The following NEK7 variants were observed in gnomAD, a reference collection of about 807,000 sequenced individuals.
NEK7 encodes the protein serine/threonine-protein kinase Nek7.
In NEK7, 18 loss-of-function variants were observed where a neutral mutation model predicts 44.6. The ratio of observed to expected loss-of-function variants is 0.40; its 90% confidence interval spans 0.28 to 0.60. The LOEUF is 0.60. Ranked by LOEUF, NEK7 falls within the 20% of genes least tolerant of loss-of-function variation. The probability of loss-of-function intolerance (pLI) is 0.38; values close to 1 mark genes in which losing one functional copy is unlikely to be tolerated. For synonymous variants in NEK7, 130 were observed against 121.1 expected (o/e 1.07, Z -0.48); for missense variants, 256 against 366.5 (o/e 0.70, Z 2.46).
chr1:198,212,954 C>G (rs1392304557), intron 1 of NEK7, among the ~76,000 whole-genome samples: 1 of 152,240 alleles, frequency 6.6e-6, no homozygotes, highest in Non-Finnish European at 1.5e-5. Flanking sequence ...TTGCCCAATA[C>G]CTTACTGTTA....
rs1655543240 is a variant in NEK7, at chr1:198,321,837, A to C, written c.*2315A>C. The C allele has an allele frequency of 6.6e-6, 1 of 152,102 alleles. No homozygotes were observed. The highest frequency in any genetic ancestry group is 2.1e-4 in the South Asian group (1 of 4,830). 9.4% of individuals were successfully genotyped at this position (152,102 alleles called of 1,614,324 possible). A position where few individuals can be genotyped will look rare whatever the true frequency, so the allele number is the denominator to read the frequency against. On this transcript the variant is annotated 3_prime_UTR_variant, in exon 10 of 10. Coordinates refer to ENST00000367385, the MANE Select transcript of NEK7 (RefSeq NM_133494.3). ...TGTTCTTTATATGTGTTCATAAGTAAATTTTATATTGATTAAGTTAAACTT... is the reference window on the plus strand; with the variant it reads ...TGTTCTTTATATGTGTTCATAAGTACATTTTATATTGATTAAGTTAAACTT...
rs182562704 is a variant in NEK7 at position 198,238,270 on chromosome 1, G to T, written c.57+5633G>T. On this transcript the variant is annotated intron_variant, in intron 2 of 9. Transcript: ENST00000367385. Reference sequence around the variant, plus strand: ...TATTCTCCCTTGCCCACATACATAGGATCAGGAGGTCGGAACCACAAACTT... The same window carrying T: ...TATTCTCCCTTGCCCACATACATAGTATCAGGAGGTCGGAACCACAAACTT... 2.0e-5 allele frequency among the ~76,000 whole-genome samples: 3 copies of T among 152,058 alleles called. No homozygotes were observed. In the East Asian group the frequency reaches 5.8e-4, roughly 29 times the overall value.
Position 198,319,810 on chromosome 1 carries a change from A to G in NEK7, c.*288A>G. 4.1e-6 allele frequency: 1 copy of G among 245,544 alleles called. No homozygotes were observed. The allele number at this position is 245,544 out of a possible 1,614,324, so 15.2% of individuals were successfully genotyped here. On this transcript the variant is annotated 3_prime_UTR_variant, in exon 10 of 10. Transcript: ENST00000367385. ...ATTTCTTACAGTTTTCTGCTGATAA[A>G]TTGTGTTTAGATAGACTGTCAGTGC...
chr1:198,302,492 A>G (rs1447467907), intron 9 of NEK7, among the ~76,000 whole-genome samples: 7 of 152,036 alleles, frequency 4.6e-5, no homozygotes, highest in Non-Finnish European at 1.0e-4. Context: ...AATTTCTGGC[A>G]TCATTTCCTA....
chr1:198,315,008 A>G (rs1655312656), intron 9 of NEK7, among the ~76,000 whole-genome samples: 1 of 152,154 alleles, frequency 6.6e-6, no homozygotes, highest in Non-Finnish European at 1.5e-5. Flanking sequence ...ACGCCTGGGC[A>G]ATGGCGGGCG....
rs1655331101 is a variant in NEK7, at chr1:198,315,310, C to A, written c.799-4102C>A. ...TGCTTCGGCTCGCGCATGGTGCGCG[C>A]ACCCACTGACCTGCGCCCACTGTCT... On this transcript the variant is annotated intron_variant, in intron 9 of 9. Coordinates refer to ENST00000367385, the MANE Select transcript of NEK7 (RefSeq NM_133494.3). 2.6e-5 allele frequency among the ~76,000 whole-genome samples: 4 copies of A among 152,226 alleles called. 1 individual carries two copies. Among genetic ancestry groups the A allele is most frequent in the Admixed American group, 1.3e-4 (2 of 15,288 alleles).
chr1:198,290,198 T>G (rs575295881), intron 7 of NEK7, among the ~76,000 whole-genome samples: 2 of 152,330 alleles, frequency 1.3e-5, no homozygotes, highest in South Asian at 4.1e-4. Context: ...TGCTGTAGTC[T>G]TCAAGCTTCT....
At chr1:198,240,563 G>A (rs562541572) in intron 2 of NEK7, among the ~76,000 whole-genome samples, 14 of 151,156 alleles carry the variant, frequency 9.3e-5, no homozygotes, top group Admixed American at 2.0e-4. Context: ...TTTTTTGAAG[G>A]TGAATTTGAT....
intron 1 of NEK7, among the ~76,000 whole-genome samples, chr1:198,194,549 T>C (rs1012639286): frequency 6.6e-6 from 1 of 152,156 alleles, no homozygotes; most frequent in African/African-American, 2.4e-5. Context: ...GTCCCACTTA[T>C]AGGGGAGAAC....
intron 1 of NEK7, among the ~76,000 whole-genome samples, chr1:198,179,289 G>C (rs1325515176): frequency 1.3e-5 from 2 of 152,018 alleles, no homozygotes; most frequent in Non-Finnish European, 2.9e-5. Context: ...GTGGATTTTA[G>C]GAAATTTGTG....
At chr1:198,267,015 G>GCATGGAGCGCTC (rs1653675426) in intron 5 of NEK7, among the ~76,000 whole-genome samples, 1 of 152,010 alleles carries the variant, frequency 6.6e-6, no homozygotes, top group Non-Finnish European at 1.5e-5. Context: ...ACTTGTGTCT[G>GCATGGAGCGCTC]TTACTGTTCT....
chr1:198,234,528 C>G (rs1269169070), intron 2 of NEK7, among the ~76,000 whole-genome samples: 1 of 152,072 alleles, frequency 6.6e-6, no homozygotes, highest in Non-Finnish European at 1.5e-5. Context: ...TTTAAACAAC[C>G]TTGTGTTTCA....
chr1:198,174,505 G>A (rs923324685), intron 1 of NEK7, among the ~76,000 whole-genome samples: 1 of 152,118 alleles, frequency 6.6e-6, no homozygotes, highest in Non-Finnish European at 1.5e-5. Flanking sequence ...GCTAAACATC[G>A]ATTGTGTCCT....
intron 1 of NEK7, among the ~76,000 whole-genome samples, chr1:198,159,133 C>T (rs1664015134): frequency 6.6e-6 from 1 of 152,192 alleles, no homozygotes; most frequent in Non-Finnish European, 1.5e-5. Context: ...AGGCTCCGCC[C>T]TCCGGAGTAC....
chr1:198,258,074 C>G (rs1653335474), intron 3 of NEK7, among the ~76,000 whole-genome samples: 1 of 152,138 alleles, frequency 6.6e-6, no homozygotes, highest in South Asian at 2.1e-4. Context: ...GCAAAGGCCT[C>G]TCCGAGGATG....
chr1:198,229,318 A>G (rs1043428656), intron 1 of NEK7, among the ~76,000 whole-genome samples: 4 of 152,160 alleles, frequency 2.6e-5, no homozygotes, highest in African/African-American at 9.7e-5. Context: ...TGCCCCATGC[A>G]TCTCTCTATC....
intron 1 of NEK7, among the ~76,000 whole-genome samples, chr1:198,174,772 G>C (rs532614546): frequency 6.6e-6 from 1 of 151,394 alleles, no homozygotes; most frequent in Non-Finnish European, 1.5e-5. Flanking sequence ...GTTTTTTTTG[G>C]GGGGGGACAG....
intron 2 of NEK7, among the ~76,000 whole-genome samples, chr1:198,234,828 G>A (rs1182594718): frequency 1.3e-5 from 2 of 152,202 alleles, no homozygotes; most frequent in Non-Finnish European, 2.9e-5. Flanking sequence ...GGTGGGGGAA[G>A]GGAGAAGGAT....
At position 198,247,171 on chromosome 1, in the gene NEK7, C is replaced by A. The variant is rs185490343; in HGVS notation, c.58-5869C>A. Among the ~76,000 whole-genome samples the A allele has an allele frequency of 3.5e-4, 54 of 152,192 alleles. No homozygotes were observed. The East Asian group carries it at 9.8e-3, about 28-fold the overall frequency. ...AAATGAACATCATGGCAAGTTATCT[C>A]CCTTTATTTCATAATTTTATTTTCA... is the stretch of plus-strand genomic sequence containing the variant. On this transcript the variant is annotated intron_variant, in intron 2 of 9. Transcript: ENST00000367385.
Sources: allele counts gnomAD v4.1 joint callset (sites outside exome capture counted in the v4.1 genomes callset), GRCh38; gene constraint gnomAD v4.1.1; transcripts MANE v1.5; gene names NCBI Gene and HGNC (gene_info 2026-07-23, HGNC 2026-07-21).